The following SGCD variants were observed in gnomAD, a reference collection of about 807,000 sequenced individuals.
SGCD encodes sarcoglycan delta, also known as delta-sarcoglycan.
In SGCD, 18 loss-of-function variants were observed where a neutral mutation model predicts 36.6. The observed-to-expected ratio is 0.49, with a 90% confidence interval of 0.34 to 0.73. The LOEUF (loss-of-function observed/expected upper bound fraction) is 0.73, where lower values mean the gene tolerates loss of function less well. SGCD is among the 30% of genes least tolerant of loss of function. The pLI is 0.01. For synonymous variants in SGCD, 133 were observed against 130.6 expected (o/e 1.02, Z -0.12); for missense variants, 387 against 346.7 (o/e 1.12, Z -0.92).
chr5:155,896,062 TC>T (rs1756245674), intron 1 of SGCD, among the ~76,000 whole-genome samples: 1 of 152,240 alleles, frequency 6.6e-6, no homozygotes, highest in African/African-American at 2.4e-5. Context: ...TTTCCTATAT[TC>T]CATTTGATAT....
chr5:156,086,361 G>C (rs909260182), intron 1 of SGCD, among the ~76,000 whole-genome samples: 1 of 152,250 alleles, frequency 6.6e-6, no homozygotes, highest in Non-Finnish European at 1.5e-5. Context: ...TAACAGGTAT[G>C]AGTGCAGTGG....
At chr5:155,884,702 A>C (rs1755965796) in intron 1 of SGCD, among the ~76,000 whole-genome samples, 1 of 152,210 alleles carries the variant, frequency 6.6e-6, no homozygotes, top group African/African-American at 2.4e-5. Context: ...TTTGAGTTTG[A>C]AACTTCATTC....
In SGCD at chr5:155,939,278, A is replaced by G. The variant is rs531121361; in HGVS notation, c.-282+68854A>G. Among the ~76,000 whole-genome samples, 9 of 152,330 alleles carry G rather than the reference A, an allele frequency of 5.9e-5. No homozygotes were observed. The South Asian group carries it at 1.9e-3, about 32-fold the overall frequency. On this transcript the variant is annotated intron_variant, in intron 1 of 9. Transcript: ENST00000517913. ...TTAATCAGCTCCATGGTGCCATTCC[A>G]CTATGTGTACATATTTCAAAATATC...
chr5:156,169,071 A>G (rs777240833), intron 3 of SGCD, among the ~76,000 whole-genome samples: 5 of 152,228 alleles, frequency 3.3e-5, no homozygotes, highest in Admixed American at 6.5e-5. Context: ...ACAACAATGT[A>G]TAAAATGCTA....
At chr5:156,035,743 C>A (rs556932100) in intron 1 of SGCD, among the ~76,000 whole-genome samples, 2 of 152,282 alleles carry the variant, frequency 1.3e-5, no homozygotes, top group Admixed American at 1.3e-4. Flanking sequence ...GTGACTACTT[C>A]CTGTTAACTT....
At chr5:156,359,979 T>C (rs1171563472) in intron 3 of SGCD, among the ~76,000 whole-genome samples, 1 of 152,174 alleles carries the variant, frequency 6.6e-6, no homozygotes, top group Non-Finnish European at 1.5e-5. Flanking sequence ...AAATTCTTGG[T>C]TCATTTTCCA....
upstream of SGCD, among the ~76,000 whole-genome samples, chr5:155,865,888 A>G (rs1030034093): frequency 2.0e-5 from 3 of 152,216 alleles, no homozygotes; most frequent in African/African-American, 7.2e-5. Flanking sequence ...GTCAGTTGCT[A>G]TCATTGAAAT....
At chr5:155,960,778 T>A (rs2113448868) in intron 1 of SGCD, among the ~76,000 whole-genome samples, 1 of 152,176 alleles carries the variant, frequency 6.6e-6, no homozygotes, top group East Asian at 1.9e-4. Flanking sequence ...CACAAGAAAT[T>A]CCTTATGGAA....
chr5:155,768,689 C>T, the SGCD span, among the ~76,000 whole-genome samples: 9 of 152,234 alleles, frequency 5.9e-5, no homozygotes, highest in East Asian at 1.7e-3. Flanking sequence ...AATCACTTGT[C>T]TCCTAGAGGG....
intron 3 of SGCD, among the ~76,000 whole-genome samples, chr5:156,206,779 T>C (rs989133776): frequency 2.0e-5 from 3 of 152,018 alleles, no homozygotes; most frequent in Non-Finnish European, 4.4e-5. Context: ...TTTTTGAGGA[T>C]TTGTATGGCA....
chr5:155,833,053 CGA>C, the SGCD span, among the ~76,000 whole-genome samples: 294 of 90,326 alleles, frequency 3.3e-3, 6 homozygotes, highest in Non-Finnish European at 4.2e-3. Context: ...ACTAAAAATA[CGA>C]AAAAAAAAAA....
intron 3 of SGCD, among the ~76,000 whole-genome samples, chr5:156,475,543 C>T (rs1160962876): frequency 6.6e-6 from 1 of 152,176 alleles, no homozygotes; most frequent in Non-Finnish European, 1.5e-5. Context: ...CCTTTAGCCC[C>T]TGTCTCCAAG....
At chr5:156,469,129 C>T (rs1258442534) in intron 3 of SGCD, among the ~76,000 whole-genome samples, 1 of 152,140 alleles carries the variant, frequency 6.6e-6, no homozygotes, top group Non-Finnish European at 1.5e-5. Flanking sequence ...TGGAATTCCC[C>T]TAGAGACACA....
intron 1 of SGCD, among the ~76,000 whole-genome samples, chr5:156,020,414 C>T (rs1003815869): frequency 5.3e-5 from 8 of 152,076 alleles, no homozygotes; most frequent in Non-Finnish European, 1.2e-4. Flanking sequence ...TTTTGAATAG[C>T]CTGCTTCATA....
intron 3 of SGCD, among the ~76,000 whole-genome samples, chr5:156,291,596 A>G (rs1002887126): frequency 6.6e-6 from 1 of 152,088 alleles, no homozygotes; most frequent in Admixed American, 6.6e-5. Flanking sequence ...TTGTGGTAAA[A>G]TATCCACAAC....
chr5:156,231,455 G>T (rs1375187976), intron 3 of SGCD, among the ~76,000 whole-genome samples: 1 of 152,256 alleles, frequency 6.6e-6, no homozygotes, highest in Non-Finnish European at 1.5e-5. Context: ...AGAATCGCTT[G>T]ATCCTGGAAG....
At chr5:156,283,715 G>A (rs951680006) in intron 3 of SGCD, among the ~76,000 whole-genome samples, 6 of 152,212 alleles carry the variant, frequency 3.9e-5, no homozygotes, top group South Asian at 4.1e-4. Context: ...ACAAATTTCC[G>A]GACCCATTCC....
At position 155,968,740 on chromosome 5, in the gene SGCD, C is replaced by T. The variant is rs567744496; in HGVS notation, c.-282+98316C>T. Among the ~76,000 whole-genome samples the T allele has an allele frequency of 4.7e-4, 71 of 152,184 alleles. No individual in the cohort carries two copies. The South Asian group carries it at 7.3e-3, about 16-fold the overall frequency. ...CCATACATTCTTCTTACGAAACTCC[C>T]ATAATCAAGAAGAACAGACGAATTG... On this transcript the variant is annotated intron_variant, in intron 1 of 9. Transcript: ENST00000517913.
chr5:156,612,657 C>G (rs927763294), intron 6 of SGCD, among the ~76,000 whole-genome samples: 18 of 152,220 alleles, frequency 1.2e-4, no homozygotes, highest in African/African-American at 4.1e-4. Context: ...AGCCTAGGCT[C>G]TGAGTAGCCA....
Sources: gnomAD v4.1 joint callset for allele counts (sites outside exome capture counted in the v4.1 genomes callset) on GRCh38, gnomAD v4.1.1 for gene constraint, MANE v1.5 for transcripts, NCBI Gene and HGNC (gene_info 2026-07-23, HGNC 2026-07-21) for gene names.